The following RALGPS2 variants were observed in gnomAD, a reference collection of about 807,000 sequenced individuals.
RALGPS2 encodes ras-specific guanine nucleotide-releasing factor RalGPS2.
In RALGPS2, 43 loss-of-function variants were observed where a neutral mutation model predicts 86.8. That is an observed-to-expected ratio of 0.50 (90% CI 0.39 to 0.64). The LOEUF is 0.64. RALGPS2 is among the 30% of genes least tolerant of loss of function. The pLI is 0.00. For missense variants in RALGPS2, 536 were observed against 694.6 expected, an observed-to-expected ratio of 0.77 and a Z score of 2.57; for synonymous variants, 243 against 231.3, an observed-to-expected ratio of 1.05 and a Z score of -0.46.
intron 11 of RALGPS2, among the ~76,000 whole-genome samples, chr1:178,883,943 C>T (rs905398572): frequency 1.8e-4 from 28 of 151,828 alleles, no homozygotes; most frequent in Middle Eastern, 3.2e-3. Flanking sequence ...GAGCCGAGAT[C>T]GTGCCACTGC....
At chr1:178,742,883 T>C (rs2102025418) in intron 1 of RALGPS2, among the ~76,000 whole-genome samples, 1 of 152,338 alleles carries the variant, frequency 6.6e-6, no homozygotes, top group Admixed American at 6.5e-5. Context: ...AGGGAAATTA[T>C]AAAGTCTTTT....
At chr1:178,773,640 CA>C (rs1245762204) in intron 1 of RALGPS2, among the ~76,000 whole-genome samples, 4 of 151,618 alleles carry the variant, frequency 2.6e-5, no homozygotes, top group Non-Finnish European at 5.9e-5. Flanking sequence ...ACTAAAAATA[CA>C]AAAAATTAGC....
intron 1 of RALGPS2, among the ~76,000 whole-genome samples, chr1:178,731,517 A>T (rs1358456679): frequency 1.3e-5 from 2 of 151,838 alleles, no homozygotes; most frequent in Non-Finnish European, 2.9e-5. Context: ...TCCTGACCTC[A>T]AGTGATCCGC....
chr1:178,784,123 A>G (rs1286520922), intron 2 of RALGPS2, among the ~76,000 whole-genome samples: 2 of 152,164 alleles, frequency 1.3e-5, no homozygotes, highest in East Asian at 1.9e-4. Context: ...AGAATCATTG[A>G]ACTAGTTAAA....
chr1:178,826,174 A>T (rs185927272), intron 7 of RALGPS2, among the ~76,000 whole-genome samples: 2 of 152,282 alleles, frequency 1.3e-5, no homozygotes, highest in East Asian at 3.9e-4. Flanking sequence ...TGTAGGGAAA[A>T]TATTAAGAGC....
chr1:178,767,875 G>C (rs1652592278), intron 1 of RALGPS2, among the ~76,000 whole-genome samples: 1 of 152,170 alleles, frequency 6.6e-6, no homozygotes, highest in Admixed American at 6.5e-5. Context: ...TGCCCGCCCT[G>C]CCATCTAGGT....
At chr1:178,865,364 A>C in intron 8 of RALGPS2, 1 of 1,614,156 alleles carries the variant, frequency 6.2e-7, no homozygotes, top group Non-Finnish European at 8.5e-7. Flanking sequence ...AATCTCATGT[A>C]ATAATTGCAT....
At chr1:178,779,495 A>G (rs1037437706) in intron 2 of RALGPS2, among the ~76,000 whole-genome samples, 17 of 152,148 alleles carry the variant, frequency 1.1e-4, no homozygotes, top group East Asian at 5.8e-4. Context: ...GTCTAAGTCT[A>G]TGGTTTCAAT....
intron 19 of RALGPS2, among the ~76,000 whole-genome samples, chr1:178,908,734 T>C (rs967329663): frequency 2.0e-4 from 30 of 152,346 alleles, no homozygotes; most frequent in Admixed American, 3.3e-4. Context: ...TGTCTGTTCA[T>C]GTCCTTTGCC....
At chr1:178,728,402 CTT>C (rs67007360) in intron 1 of RALGPS2, among the ~76,000 whole-genome samples, 1 of 129,594 alleles carries the variant, frequency 7.7e-6, no homozygotes, top group Non-Finnish European at 1.6e-5. Flanking sequence ...CGAAAGTATG[CTT>C]TTTTTTTTTT....
chr1:178,758,697 C>T (rs940597331), intron 1 of RALGPS2, among the ~76,000 whole-genome samples: 2 of 152,116 alleles, frequency 1.3e-5, no homozygotes, highest in Admixed American at 1.3e-4. Context: ...ACATGACCTC[C>T]AGTTCCATCC....
At position 178,809,003 on chromosome 1, in the gene RALGPS2, C is replaced by T. The variant is rs150315923; in HGVS notation, c.297+875C>T. ...CCAGGACTACAGGCATGCACCACCA[C>T]GCCAGACTAATTTAAAAAGAATGTT... On this transcript the variant is annotated intron_variant, in intron 5 of 19. Coordinates refer to ENST00000367635, the MANE Select transcript of RALGPS2 (RefSeq NM_152663.5). Among the ~76,000 whole-genome samples, 40 of 152,104 alleles carry T rather than the reference C, an allele frequency of 2.6e-4. No individual in the cohort carries two copies. In the East Asian group the frequency reaches 7.2e-3, roughly 27 times the overall value.
At chr1:178,878,867 CT>C (rs1558167249) in intron 9 of RALGPS2, 34 bp from the exon 10 acceptor site, 1 of 1,604,240 alleles carries the variant, frequency 6.2e-7, no homozygotes, top group East Asian at 2.3e-5. Context: ...TTAAGATGTA[CT>C]TTATCAGATA....
intron 8 of RALGPS2, among the ~76,000 whole-genome samples, chr1:178,873,769 C>T: frequency 6.6e-6 from 1 of 152,186 alleles, no homozygotes; most frequent in East Asian, 1.9e-4. Context: ...TAAGGAATTA[C>T]AGCAGCATTT....
At chr1:178,879,970 G>T (rs1659171370) in intron 10 of RALGPS2, among the ~76,000 whole-genome samples, 1 of 151,768 alleles carries the variant, frequency 6.6e-6, no homozygotes, top group African/African-American at 2.4e-5. Context: ...TTTAAGGTAG[G>T]AGGATAAAGA....
intron 1 of RALGPS2, among the ~76,000 whole-genome samples, chr1:178,736,631 C>G (rs573066701): frequency 1.3e-5 from 2 of 152,108 alleles, no homozygotes. Flanking sequence ...GGTGCGGTGG[C>G]TCACACCTGT....
intron 1 of RALGPS2, among the ~76,000 whole-genome samples, chr1:178,758,464 G>C (rs1440164305): frequency 6.6e-6 from 1 of 152,024 alleles, no homozygotes; most frequent in African/African-American, 2.4e-5. Flanking sequence ...TAGTCACCCT[G>C]TAGTGCTATC....
intron 8 of RALGPS2, chr1:178,851,312 G>A (rs908297946): frequency 2.1e-5 from 33 of 1,605,082 alleles, no homozygotes; most frequent in Non-Finnish European, 2.6e-5. Flanking sequence ...AGTGGGCGCA[G>A]TTTCCTTTGA....
intron 1 of RALGPS2, among the ~76,000 whole-genome samples, chr1:178,770,384 T>C (rs1416395920): frequency 6.6e-6 from 1 of 152,128 alleles, no homozygotes; most frequent in Admixed American, 6.6e-5. Context: ...GCTAAAAGCC[T>C]CTAATCAACC....
Sources: gnomAD v4.1 joint callset for allele counts (sites outside exome capture counted in the v4.1 genomes callset) on GRCh38, gnomAD v4.1.1 for gene constraint, MANE v1.5 for transcripts, NCBI Gene and HGNC (gene_info 2026-07-23, HGNC 2026-07-21) for gene names.